The following COPG1 variants were observed in gnomAD, a reference collection of about 807,000 sequenced individuals.
COPG1 encodes the protein coat protein complex I subunit gamma 1, also known as coatomer subunit gamma-1.
COPG1 carries 29 observed loss-of-function variants against 102.8 expected under a neutral mutation model. The ratio of observed to expected loss-of-function variants is 0.28; its 90% CI spans 0.21 to 0.38. COPG1 has a LOEUF of 0.38. Ranked by LOEUF, COPG1 falls within the 10% of genes least tolerant of loss-of-function variation. COPG1 has a pLI of 1.00. For missense variants in COPG1, 875 were observed against 1,132.7 expected (o/e 0.77, Z 3.27); for synonymous variants, 406 against 421.6 (o/e 0.96, Z 0.45).
At position 129,268,669 on chromosome 3, in the gene COPG1, G is replaced by A. The variant is rs113806498; in HGVS notation, c.1774+49G>A. 2.6e-3 allele frequency: 4,100 copies of A among 1,603,488 alleles called. 5 individuals are homozygous for A. The highest frequency in any genetic ancestry group is 3.4e-3 in the Admixed American group (200 of 58,946). ...GGCCATCAAGGCCAGGCCTCTGTTGGAGGGTCTGCATTGGCTGCAAAGCCA... is the reference window on the plus strand; with the variant it reads ...GGCCATCAAGGCCAGGCCTCTGTTGAAGGGTCTGCATTGGCTGCAAAGCCA... On this transcript the variant is annotated intron_variant, in intron 17 of 23. Transcript: ENST00000314797.
chr3:129,254,485 G>T (rs1939765836), intron 5 of COPG1, 183 bp from the exon 6 acceptor site: 3 of 552,682 alleles, frequency 5.4e-6, no homozygotes, highest in East Asian at 6.1e-5. Flanking sequence ...GACCTGTTTG[G>T]TTTTGAGTCT....
At chr3:129,257,067 A>G (rs960572910) in intron 8 of COPG1, among the ~76,000 whole-genome samples, 3 of 152,226 alleles carry the variant, frequency 2.0e-5, no homozygotes, top group East Asian at 3.8e-4. Context: ...TTTCATGGCT[A>G]AGGTGTCCCA....
intron 13 of COPG1, among the ~76,000 whole-genome samples, chr3:129,265,020 C>G (rs865783462): frequency 6.6e-6 from 1 of 151,820 alleles, no homozygotes. Context: ...AGGGTTTTAC[C>G]ATGTTGGTCA....
Position 129,257,840 on chromosome 3 carries a change from A to G in COPG1, c.851A>G (p.Glu284Gly), listed in dbSNP as rs1194813518. Residue 284 changes from glutamate (E) to glycine (G), a missense_variant, in exon 10 of 24, where the codon GAG (glutamate) becomes GGG (glycine). Transcript: ENST00000314797. ...AATCTGCCAGGCTGCAGTGCCAAAG[A>G]GCTGGCCCCGGCTGTGTCAGGTCAC... ...IVNLPGCSAKELAPAVSVLQL... is the reference protein window; with the variant it reads ...IVNLPGCSAKGLAPAVSVLQL... 2 of 1,613,506 alleles carry G rather than the reference A, an allele frequency of 1.2e-6. No homozygotes were observed. Among genetic ancestry groups the G allele is most frequent in the Non-Finnish European group, 1.7e-6 (2 of 1,180,006 alleles).
Position 129,263,865 on chromosome 3 carries a change from T to C in COPG1, c.1129-39T>C, listed in dbSNP as rs770893343. ...AGGGAACTGAGTCACCCCATCTTGG[T>C]GGCAGGGCCTGCTGCTCATGCACGT... On this transcript the variant is annotated intron_variant, in intron 12 of 23. Coordinates refer to ENST00000314797, the MANE Select transcript of COPG1 (RefSeq NM_016128.4). 6.3e-6 allele frequency: 10 copies of C among 1,575,192 alleles called. 1 individual carries two copies. The South Asian group carries it at 1.1e-4, about 17-fold the overall frequency.
chr3:129,266,882 G>C (rs1940070763), intron 14 of COPG1, 142 bp from the exon 15 acceptor site: 4 of 685,158 alleles, frequency 5.8e-6, no homozygotes, highest in Non-Finnish European at 1.1e-5. Flanking sequence ...TCACTCTGTT[G>C]GTAGTGACTT....
chr3:129,261,997 T>C (rs1344392978), intron 12 of COPG1, among the ~76,000 whole-genome samples: 1 of 152,180 alleles, frequency 6.6e-6, no homozygotes, highest in Non-Finnish European at 1.5e-5. Context: ...CAAACAATAA[T>C]ATGAATAATA....
intron 12 of COPG1, among the ~76,000 whole-genome samples, chr3:129,263,117 C>A (rs1939973688): frequency 1.3e-5 from 2 of 151,238 alleles, no homozygotes; most frequent in Non-Finnish European, 2.9e-5. Flanking sequence ...GGTGCCTGAA[C>A]CGGCGGGAGT....
intron 8 of COPG1, among the ~76,000 whole-genome samples, chr3:129,256,869 C>T (rs938584681): frequency 7.2e-5 from 11 of 152,202 alleles, no homozygotes; most frequent in Admixed American, 5.9e-4. Context: ...CCCCAAATGT[C>T]GCTCCTTTAG....
At chr3:129,274,398 T>C (rs1940230666) in intron 21 of COPG1, among the ~76,000 whole-genome samples, 1 of 152,072 alleles carries the variant, frequency 6.6e-6, no homozygotes, top group Non-Finnish European at 1.5e-5. Flanking sequence ...AGGACACAGC[T>C]GGGGTAGGAG....
intron 15 of COPG1, 127 bp from the exon 16 acceptor site, chr3:129,267,810 C>T: frequency 1.5e-6 from 1 of 679,364 alleles, no homozygotes; most frequent in Non-Finnish European, 2.6e-6. Context: ...CTCCCTCCAC[C>T]CTCCGCCTGG....
intron 13 of COPG1, among the ~76,000 whole-genome samples, chr3:129,264,336 G>C (rs931756419): frequency 1.1e-4 from 16 of 152,190 alleles, no homozygotes; most frequent in African/African-American, 3.1e-4. Context: ...GTGGTTTCTT[G>C]TGAAACCGGT....
rs893076627 is a variant in COPG1, at chr3:129,271,095, A to G, written c.1844-672A>G. On this transcript the variant is annotated intron_variant, in intron 18 of 23. Coordinates refer to ENST00000314797, the MANE Select transcript of COPG1 (RefSeq NM_016128.4). The surrounding 1 kb of genome is among the most constrained non-coding windows in gnomAD (Gnocchi z 4.7). ...GCTGTAGCCATTATAGGTGGACACC[A>G]TGTGCACACATCTGCCAGATGCCTC... Among the ~76,000 whole-genome samples, 7 of 152,188 alleles carry G rather than the reference A, an allele frequency of 4.6e-5. No individual in the cohort carries two copies. The highest frequency in any genetic ancestry group is 8.8e-5 in the Non-Finnish European group (6 of 68,032).
At chr3:129,273,515 A>G (rs1259445059) in intron 21 of COPG1, among the ~76,000 whole-genome samples, 8 of 152,212 alleles carry the variant, frequency 5.3e-5, no homozygotes, top group Admixed American at 2.0e-4. Context: ...TTTTAAAACC[A>G]TAGTGTATTT....
intron 5 of COPG1, 119 bp downstream of exon 5, chr3:129,253,074 G>A: frequency 2.4e-6 from 2 of 816,334 alleles, no homozygotes; most frequent in Non-Finnish European, 2.0e-6. Flanking sequence ...CCCCGTGGCA[G>A]CTTCCCTGTT....
intron 13 of COPG1, among the ~76,000 whole-genome samples, chr3:129,264,357 C>T (rs768963521): frequency 1.6e-4 from 24 of 152,272 alleles, no homozygotes; most frequent in Non-Finnish European, 2.4e-4. Flanking sequence ...GCTAATAATA[C>T]GACATTGGTT....
intron 1 of COPG1, among the ~76,000 whole-genome samples, chr3:129,250,029 T>C (rs1308514212): frequency 1.3e-5 from 2 of 149,796 alleles, no homozygotes; most frequent in East Asian, 4.1e-4. Flanking sequence ...CCATGCCGAA[T>C]GTTCTCTTGT....
At chr3:129,251,638 G>A (rs910605616) in intron 2 of COPG1, among the ~76,000 whole-genome samples, 70 of 151,496 alleles carry the variant, frequency 4.6e-4, no homozygotes, top group African/African-American at 1.6e-3. Flanking sequence ...CTCCCGCCTC[G>A]GCCTCCCAAA....
At position 129,272,918 on chromosome 3, in the gene COPG1, G is replaced by A. The variant is rs769921346; in HGVS notation, c.2256+14G>A. ...GATGAGTATGTGGTAAGATCCTGGT[G>A]TCAGGAAGCTCAGTTTTGTGCTGAG... On this transcript the variant is annotated intron_variant, in intron 21 of 23. Coordinates refer to ENST00000314797, the MANE Select transcript of COPG1 (RefSeq NM_016128.4). 1.3e-6 allele frequency: 2 copies of A among 1,507,280 alleles called. No individual in the cohort carries two copies. The highest frequency in any genetic ancestry group is 2.7e-5 in the African/African-American group (2 of 72,818). The allele number at this position is 1,507,280 out of a possible 1,614,324, so 93.4% of individuals were successfully genotyped here. A position where few individuals can be genotyped will look rare whatever the true frequency, so the allele number is the denominator to read the frequency against.
Sources: allele counts gnomAD v4.1 joint callset (sites outside exome capture counted in the v4.1 genomes callset), GRCh38; gene constraint gnomAD v4.1.1; non-coding constraint Gnocchi (gnomAD v3.1); transcripts MANE v1.5; gene names NCBI Gene and HGNC (gene_info 2026-07-23, HGNC 2026-07-21).